The following MME variants were observed in gnomAD, a reference collection of about 807,000 sequenced individuals.
MME encodes membrane metalloendopeptidase.
A neutral mutation model predicts 113.2 loss-of-function variants in MME; 98 were observed. The observed-to-expected ratio is 0.87, with a 90% CI of 0.74 to 1.02. The LOEUF (loss-of-function observed/expected upper bound fraction) is 1.02, where lower values mean the gene tolerates loss of function less well. Among genes scored for constraint, MME ranks in the 50% least tolerant of loss-of-function variants. The pLI, the probability that MME is intolerant of heterozygous loss-of-function variation, is 0.00. For synonymous variants in MME, 292 were observed against 300.6 expected (o/e 0.97, Z 0.30); for missense variants, 836 against 896.0 (o/e 0.93, Z 0.86).
In MME at chr3:155,166,924, G is replaced by GC. The variant is rs749150627; in HGVS notation, c.1689dup (p.Phe564LeufsTer3). ...TAGTCTTCCCAGCCGGCATTCTGCA[G>GC]CCCCCCTTCTTTAGTGCCCAGCAGT... On this transcript the variant is annotated frameshift_variant, in exon 18 of 23. Coordinates refer to ENST00000360490, the MANE Select transcript of MME (RefSeq NM_007289.4). LOFTEE classifies it high-confidence loss of function. 1.2e-5 allele frequency: 20 copies of GC among 1,613,666 alleles called. No individual in the cohort carries two copies. The highest frequency in any genetic ancestry group is 1.6e-5 in the Non-Finnish European group (19 of 1,179,728).
intron 10 of MME, 148 bp downstream of exon 10, chr3:155,140,440 A>C: frequency 2.0e-6 from 1 of 490,778 alleles, no homozygotes; most frequent in Non-Finnish European, 3.5e-6. Context: ...TTTTTGAGAC[A>C]GGGTCTCACT....
At position 155,037,011 on chromosome 3, in the gene MME, C is replaced by A. The variant is rs146502726; in HGVS notation, c.-11+12687C>A. On this transcript the variant is annotated intron_variant, in intron 1 of 22. Coordinates refer to the MME transcript ENST00000492661. ...TTTCCCCATTGAATTGCCTTGGCACCTTTTTAAAAAGTCCTTTGACCATAG... is the reference window on the plus strand; with the variant it reads ...TTTCCCCATTGAATTGCCTTGGCACATTTTTAAAAAGTCCTTTGACCATAG... 2.5e-4 allele frequency among the ~76,000 whole-genome samples: 38 copies of A among 152,216 alleles called. No homozygotes were observed. The East Asian group carries it at 6.7e-3, about 27-fold the overall frequency.
At chr3:155,043,435 G>T (rs779503740) in intron 1 of MME, among the ~76,000 whole-genome samples, 1 of 151,406 alleles carries the variant, frequency 6.6e-6, no homozygotes, top group Non-Finnish European at 1.5e-5. Flanking sequence ...AGGTTCAAGC[G>T]ATTCTCCTGC....
At chr3:155,127,971 C>G (rs1353846657) in intron 8 of MME, among the ~76,000 whole-genome samples, 3 of 152,184 alleles carry the variant, frequency 2.0e-5, no homozygotes, top group Non-Finnish European at 4.4e-5. Flanking sequence ...CTTCAACGAT[C>G]TGAATCAGAC....
intron 10 of MME, 46 bp downstream of exon 10, chr3:155,140,338 A>T: frequency 8.4e-7 from 1 of 1,194,486 alleles, no homozygotes; most frequent in Admixed American, 1.7e-5. Context: ...CGTTTTCTAA[A>T]TTATAACATT....
intron 3 of MME, among the ~76,000 whole-genome samples, chr3:155,111,762 C>G (rs1162703514): frequency 2.0e-5 from 3 of 152,088 alleles, no homozygotes; most frequent in Non-Finnish European, 2.9e-5. Context: ...GTGACAGAAG[C>G]TTTCATTTCC....
intron 3 of MME, among the ~76,000 whole-genome samples, chr3:155,107,288 G>A (rs566338929): frequency 2.0e-5 from 3 of 151,754 alleles, no homozygotes; most frequent in Non-Finnish European, 2.9e-5. Flanking sequence ...GGGAGGTGGA[G>A]GTTGCAGTGA....
intron 12 of MME, 121 bp from the exon 13 acceptor site, chr3:155,143,322 T>C: frequency 8.7e-7 from 1 of 1,147,504 alleles, no homozygotes; most frequent in Non-Finnish European, 1.3e-6. Flanking sequence ...AACATGGGCC[T>C]TGTGAGGAGA....
intron 14 of MME, 120 bp from the exon 15 acceptor site, chr3:155,147,024 A>C: frequency 1.4e-6 from 1 of 701,758 alleles, no homozygotes; most frequent in South Asian, 1.6e-5. Context: ...TAAGTATGTC[A>C]GACACTCATT....
At chr3:155,162,953 C>G (rs1336950252) in intron 17 of MME, among the ~76,000 whole-genome samples, 6 of 135,474 alleles carry the variant, frequency 4.4e-5, no homozygotes, top group African/African-American at 1.1e-4. Flanking sequence ...GCAGAGGTTG[C>G]AATGAGCTGA....
At chr3:155,150,885 C>A (rs3172398) in intron 16 of MME, among the ~76,000 whole-genome samples, 2 of 152,156 alleles carry the variant, frequency 1.3e-5, no homozygotes, top group African/African-American at 4.8e-5. Flanking sequence ...TGCATCAAAT[C>A]ATTAAGACTG....
intron 1 of MME, among the ~76,000 whole-genome samples, chr3:155,052,362 C>A (rs551586591): frequency 2.5e-4 from 38 of 152,360 alleles, no homozygotes; most frequent in African/African-American, 8.9e-4. Flanking sequence ...CCCTTCTGCA[C>A]TGCCCTAGAA....
intron 1 of MME, among the ~76,000 whole-genome samples, chr3:155,066,864 C>T (rs1318883167): frequency 2.6e-5 from 4 of 152,142 alleles, no homozygotes; most frequent in African/African-American, 7.2e-5. Flanking sequence ...CAAGATGAGA[C>T]TTTTTTCTTG....
chr3:155,074,352 G>A (rs1714674601), intron 1 of MME, among the ~76,000 whole-genome samples: 1 of 151,856 alleles, frequency 6.6e-6, no homozygotes, highest in African/African-American at 2.4e-5. Context: ...TATTTTTATT[G>A]CATTCAGTTA....
chr3:155,113,068 T>G (rs1277993077), intron 3 of MME, among the ~76,000 whole-genome samples: 2 of 151,972 alleles, frequency 1.3e-5, no homozygotes, highest in African/African-American at 4.8e-5. Flanking sequence ...TGTTGAATGA[T>G]GGGTAGAATT....
chr3:155,100,021 C>T (rs189975366), intron 3 of MME, among the ~76,000 whole-genome samples: 42 of 152,262 alleles, frequency 2.8e-4, no homozygotes, highest in Non-Finnish European at 4.0e-4. Flanking sequence ...ACACCAAAAG[C>T]AATGGCCACA....
intron 12 of MME, 105 bp downstream of exon 12, chr3:155,142,435 G>A (rs931064897): frequency 4.0e-5 from 36 of 909,094 alleles, no homozygotes; most frequent in Non-Finnish European, 6.3e-5. Flanking sequence ...TTTGCAAAGG[G>A]ACAAAATGCC....
In MME at chr3:155,180,615, T is replaced by G; in HGVS notation, c.*156T>G. 2.9e-6 allele frequency: 2 copies of G among 694,494 alleles called. No homozygotes were observed. The highest frequency in any genetic ancestry group is 1.5e-5 in the South Asian group (1 of 64,864). 43.0% of individuals were successfully genotyped at this position (694,494 alleles called of 1,614,324 possible). ...CATCACAATACAGATAACATTAGGT[T>G]GTCCTAGAAAGGGTGTGGAGGGAGG... On this transcript the variant is annotated 3_prime_UTR_variant, in exon 23 of 23. Transcript: ENST00000360490.
chr3:155,107,930 G>C (rs1312018477), intron 3 of MME, among the ~76,000 whole-genome samples: 1 of 152,166 alleles, frequency 6.6e-6, no homozygotes, highest in Non-Finnish European at 1.5e-5. Flanking sequence ...GCACAAGAAG[G>C]CTGTGATATG....
Sources: allele counts gnomAD v4.1 joint callset (sites outside exome capture counted in the v4.1 genomes callset), GRCh38; gene constraint gnomAD v4.1.1; transcripts MANE v1.5; gene names NCBI Gene and HGNC (gene_info 2026-07-23, HGNC 2026-07-21).